The following CUL4A variants were observed in gnomAD, a reference collection of about 807,000 sequenced individuals.
CUL4A encodes cullin 4A, also known as cullin-4A.
CUL4A carries 16 observed loss-of-function variants against 95.5 expected under a neutral mutation model. The observed-to-expected ratio is 0.17, with a 90% CI of 0.11 to 0.25. CUL4A has a LOEUF of 0.25. Ranked by LOEUF, CUL4A falls within the 10% of genes least tolerant of loss-of-function variation. CUL4A has a pLI of 1.00. For synonymous variants in CUL4A, 380 were observed against 353.1 expected (o/e 1.08, Z -0.85); for missense variants, 610 against 937.0 (o/e 0.65, Z 4.56).
chr13:113,249,508 T>G (rs1183688928), intron 15 of CUL4A, among the ~76,000 whole-genome samples: 1 of 152,256 alleles, frequency 6.6e-6, no homozygotes, highest in Non-Finnish European at 1.5e-5. Flanking sequence ...CACCAAACAT[T>G]GGGCATTTGG....
rs1243716208 is a variant in CUL4A at position 113,232,203 on chromosome 13, C to T, written c.513-974C>T. Among the ~76,000 whole-genome samples the T allele has an allele frequency of 7.7e-4, 9 of 11,676 alleles. 2 individuals carry two copies. Among genetic ancestry groups the T allele is most frequent in the African/African-American group, 1.7e-3 (6 of 3,438 alleles). 7.7% of individuals were successfully genotyped at this position (11,676 alleles called of 152,430 possible). A position where few individuals can be genotyped will look rare whatever the true frequency, so the allele number is the denominator to read the frequency against. On this transcript the variant is annotated intron_variant, in intron 5 of 19. Transcript: ENST00000375440. ...CCATTACTGCTGCCACCACTACCCGCCCACCACCATTACTGCTGCCACCAC... is the reference window on the plus strand; with the variant it reads ...CCATTACTGCTGCCACCACTACCCGTCCACCACCATTACTGCTGCCACCAC...
Position 113,229,431 on chromosome 13 carries a change from C to G in CUL4A, c.439-15C>G. On this transcript the variant is annotated splice_polypyrimidine_tract_variant and intron_variant, in intron 4 of 19. Transcript: ENST00000375440. Reference sequence around the variant, plus strand: ...TAGAATTCATAAGTAAATGGTTCTCCTTTCTGCTGGTCAGATCATGATCAG... The same window carrying G: ...TAGAATTCATAAGTAAATGGTTCTCGTTTCTGCTGGTCAGATCATGATCAG... 6.2e-7 allele frequency: 1 copy of G among 1,612,326 alleles called. No homozygotes were observed. The highest frequency in any genetic ancestry group is 8.5e-7 in the Non-Finnish European group (1 of 1,179,242).
intron 8 of CUL4A, among the ~76,000 whole-genome samples, chr13:113,236,127 A>T (rs1368995363): frequency 6.6e-6 from 1 of 152,168 alleles, no homozygotes; most frequent in South Asian, 2.1e-4. Flanking sequence ...GGACTCAGTA[A>T]GGTGCGGAAA....
upstream of CUL4A, chr13:113,209,520 C>A: frequency 1.2e-5 from 7 of 603,446 alleles, no homozygotes; most frequent in Non-Finnish European, 1.4e-5. Flanking sequence ...CGGGGCGGGG[C>A]GGGGCGCGCG....
At chr13:113,228,128 TCTGTTGAGGATTC>T in intron 4 of CUL4A, 83 bp downstream of exon 4, 2 of 1,053,572 alleles carry the variant, frequency 1.9e-6, no homozygotes, top group Non-Finnish European at 2.9e-6. Context: ...ACATAGAAGT[TCTGTTGAGGATTC>T]TGTCTGTGTT....
upstream of CUL4A, chr13:113,208,656 G>C: frequency 1.9e-6 from 3 of 1,603,396 alleles, no homozygotes; most frequent in African/African-American, 2.7e-5. Context: ...CGAACGGAGA[G>C]CGCCACCCCC....
intron 17 of CUL4A, 28 bp from the exon 18 acceptor site, chr13:113,254,925 C>T (rs1197353557): frequency 6.2e-7 from 1 of 1,607,828 alleles, no homozygotes; most frequent in African/African-American, 1.3e-5. Flanking sequence ...TTAACGCCAG[C>T]CTTTGCCTGC....
At chr13:113,209,506 C>T, upstream of CUL4A, 2 of 522,362 alleles carry the variant, frequency 3.8e-6, no homozygotes, top group Non-Finnish European at 4.8e-6. Flanking sequence ...CTCGGGCACG[C>T]GGGCGGGGCG....
chr13:113,222,656 C>T (rs1371704227), intron 3 of CUL4A, among the ~76,000 whole-genome samples: 1 of 152,192 alleles, frequency 6.6e-6, no homozygotes, highest in Non-Finnish European at 1.5e-5. Context: ...TGGCCAGACA[C>T]AGTGGCTCAC....
chr13:113,240,664 A>G (rs2041681655), intron 10 of CUL4A, among the ~76,000 whole-genome samples: 1 of 152,230 alleles, frequency 6.6e-6, no homozygotes, highest in South Asian at 2.1e-4. Context: ...TGGAAATGAC[A>G]AAATTTAGAA....
intron 3 of CUL4A, among the ~76,000 whole-genome samples, chr13:113,227,031 T>C (rs950924996): frequency 4.0e-5 from 6 of 151,862 alleles, no homozygotes; most frequent in African/African-American, 1.5e-4. Context: ...GACTTGAAGG[T>C]GTCTGGCAGT....
chr13:113,208,807 G>T, upstream of CUL4A: 1 of 1,412,604 alleles, frequency 7.1e-7, no homozygotes, highest in South Asian at 1.5e-5. Flanking sequence ...TCGGGCTGAG[G>T]GGGCCCGGGG....
chr13:113,245,699 G>T (rs1325752614), intron 14 of CUL4A, among the ~76,000 whole-genome samples: 2 of 152,166 alleles, frequency 1.3e-5, no homozygotes, highest in Admixed American at 6.5e-5. Context: ...CGTTTCACAA[G>T]TAAATTTTAA....
chr13:113,249,078 C>T lies in CUL4A; in HGVS notation c.1638+3015C>T, dbSNP rs370830671. ...CCCCAGCCTGCTCTGCTCCGGACCCCGGCAGCCACTATCTGCTTCCTGTCT... is the reference window on the plus strand; with the variant it reads ...CCCCAGCCTGCTCTGCTCCGGACCCTGGCAGCCACTATCTGCTTCCTGTCT... On this transcript the variant is annotated intron_variant, in intron 15 of 19. Coordinates refer to ENST00000375440, the MANE Select transcript of CUL4A (RefSeq NM_001008895.4). Among the ~76,000 whole-genome samples, 9 of 152,226 alleles carry T rather than the reference C, an allele frequency of 5.9e-5. No homozygotes were observed. In the East Asian group the frequency reaches 9.6e-4, roughly 16 times the overall value.
intron 5 of CUL4A, among the ~76,000 whole-genome samples, chr13:113,231,440 G>A (rs538490947): frequency 4.6e-4 from 70 of 152,298 alleles, no homozygotes; most frequent in Non-Finnish European, 8.7e-4. Flanking sequence ...AAGCCTGTGT[G>A]GGGAGTGGGA....
chr13:113,244,459 CGAG>C lies in CUL4A; in HGVS notation c.1282_1284del (p.Glu428del). The C allele has an allele frequency of 1.9e-6, 3 of 1,613,770 alleles. No homozygotes were observed. Among genetic ancestry groups the C allele is most frequent in the Non-Finnish European group, 2.5e-6 (3 of 1,179,876 alleles). On this transcript the variant is annotated inframe_deletion, in exon 12 of 20. Coordinates refer to ENST00000375440, the MANE Select transcript of CUL4A (RefSeq NM_001008895.4). ...GAGCAGGCAACAAAGAAGCCACAGA[CGAG>C]GAGCTGGAGCGGACGTTGGACAAGA...
chr13:113,242,969 C>T lies in CUL4A; in HGVS notation c.1037C>T (p.Thr346Ile), dbSNP rs766324333. Residue 346 changes from threonine (T) to isoleucine (I), a missense_variant and splice_region_variant, in exon 11 of 20, where the codon ACT (threonine) becomes ATT (isoleucine). Thr to Ile is a moderately conservative substitution (Grantham distance 89, BLOSUM62 -1). Around this residue, in one of 10 missense-constraint regions of CUL4A, gnomAD observed 153 missense variants for 244.5 expected, o/e 0.63. Transcript: ENST00000375440. ...LLQHWSEYIK[T>I]FGTAIVINPE... is the part of the protein sequence containing the mutation. ...GTTGGTATTGATTTGCTTTTGTAGA[C>T]TTTTGGAACAGCGATCGTAATCAAT... 1 of 1,601,636 alleles carries T rather than the reference C, an allele frequency of 6.2e-7. No individual in the cohort carries two copies. Among genetic ancestry groups the T allele is most frequent in the Non-Finnish European group, 8.5e-7 (1 of 1,169,870 alleles).
intron 3 of CUL4A, among the ~76,000 whole-genome samples, chr13:113,220,693 CA>C (rs2040864111): frequency 6.6e-6 from 1 of 152,162 alleles, no homozygotes; most frequent in Non-Finnish European, 1.5e-5. Flanking sequence ...ATTACCTGAT[CA>C]AATGAATCTT....
chr13:113,261,454 G>A (rs1307022495), intron 19 of CUL4A, among the ~76,000 whole-genome samples: 8 of 152,176 alleles, frequency 5.3e-5, no homozygotes, highest in South Asian at 2.1e-4. Flanking sequence ...CTAAATAGTC[G>A]AACACTTAAG....
Sources: gnomAD v4.1 joint callset for allele counts (sites outside exome capture counted in the v4.1 genomes callset) on GRCh38, gnomAD v4.1.1 for gene constraint, gnomAD v4.1.1 regional missense constraint, MANE v1.5 for transcripts, NCBI Gene and HGNC (gene_info 2026-07-23, HGNC 2026-07-21) for gene names.